The following PLCXD3 variants were observed in gnomAD, a reference collection of about 807,000 sequenced individuals.
PLCXD3 encodes the protein phosphatidylinositol specific phospholipase C X domain containing 3.
Under a neutral mutation model 25.5 loss-of-function variants are expected in PLCXD3, and 19 were observed. The ratio of observed to expected loss-of-function variants is 0.75; its 90% CI spans 0.52 to 1.09. The LOEUF (loss-of-function observed/expected upper bound fraction) is 1.09. Ranked by LOEUF, PLCXD3 falls within the 50% of genes least tolerant of loss-of-function variation. The pLI, the probability that PLCXD3 is intolerant of heterozygous loss-of-function variation, is 0.00. For synonymous variants in PLCXD3, 174 were observed against 137.6 expected (o/e 1.26, Z -1.85); for missense variants, 411 against 388.1 (o/e 1.06, Z -0.50).
chr5:41,417,963 G>A (rs551840287), intron 1 of PLCXD3, among the ~76,000 whole-genome samples: 24 of 152,284 alleles, frequency 1.6e-4, no homozygotes, highest in Admixed American at 6.5e-5. Flanking sequence ...TAACAGTATG[G>A]AATTATCTAT....
At chr5:41,426,979 G>C (rs140369148) in intron 1 of PLCXD3, among the ~76,000 whole-genome samples, 2 of 152,020 alleles carry the variant, frequency 1.3e-5, no homozygotes, top group Admixed American at 1.3e-4. Flanking sequence ...ATGATTTTGA[G>C]AATTCTGCTA....
At chr5:41,331,060 A>G (rs1259519433) in intron 2 of PLCXD3, among the ~76,000 whole-genome samples, 1 of 151,642 alleles carries the variant, frequency 6.6e-6, no homozygotes, top group Non-Finnish European at 1.5e-5. Flanking sequence ...CTCTCTCACC[A>G]CTCCTATTCA....
At chr5:41,401,101 T>C (rs1746173026) in intron 1 of PLCXD3, among the ~76,000 whole-genome samples, 1 of 152,072 alleles carries the variant, frequency 6.6e-6, no homozygotes, top group South Asian at 2.1e-4. Flanking sequence ...GGTTAGCTTC[T>C]AATTATTTAG....
intron 2 of PLCXD3, among the ~76,000 whole-genome samples, chr5:41,373,469 A>G (rs1745188385): frequency 6.6e-6 from 1 of 152,184 alleles, no homozygotes; most frequent in Non-Finnish European, 1.5e-5. Context: ...TAAACTGTTG[A>G]ATATGTATAC....
intron 1 of PLCXD3, among the ~76,000 whole-genome samples, chr5:41,493,251 T>C (rs1307056357): frequency 6.6e-6 from 1 of 152,206 alleles, no homozygotes; most frequent in Non-Finnish European, 1.5e-5. Flanking sequence ...CAGCAGATTT[T>C]CATGAACCGC....
chr5:41,397,933 A>T (rs1746060844), intron 1 of PLCXD3, among the ~76,000 whole-genome samples: 1 of 152,080 alleles, frequency 6.6e-6, no homozygotes, highest in Non-Finnish European at 1.5e-5. Flanking sequence ...GAATGGGAGG[A>T]TTTATCCAAT....
At position 41,453,256 on chromosome 5, in the gene PLCXD3, G is replaced by T. The variant is rs193295035; in HGVS notation, c.103+57168C>A. 2.4e-3 allele frequency among the ~76,000 whole-genome samples: 360 copies of T among 151,496 alleles called. 1 individual carries two copies. The highest frequency in any genetic ancestry group is 3.9e-3 in the Non-Finnish European group (265 of 67,836). ...CCACATATATGCCATTCCATTTTCT[G>T]CCAGAAAGCCTATCATATTCTTATG... On this transcript the variant is annotated intron_variant, in intron 1 of 2. Coordinates refer to ENST00000377801, the MANE Select transcript of PLCXD3 (RefSeq NM_001005473.3).
chr5:41,401,199 A>G (rs988406883), intron 1 of PLCXD3, among the ~76,000 whole-genome samples: 1 of 151,988 alleles, frequency 6.6e-6, no homozygotes, highest in African/African-American at 2.4e-5. Context: ...TTAAACAGCA[A>G]AAGTTTTATT....
chr5:41,444,333 A>G (rs1018197114), intron 1 of PLCXD3, among the ~76,000 whole-genome samples: 1 of 152,156 alleles, frequency 6.6e-6, no homozygotes, highest in Non-Finnish European at 1.5e-5. Flanking sequence ...AAGGGAGTAA[A>G]TTATAATGAT....
At chr5:41,366,013 T>C (rs1184007217) in intron 2 of PLCXD3, among the ~76,000 whole-genome samples, 1 of 152,030 alleles carries the variant, frequency 6.6e-6, no homozygotes, top group Non-Finnish European at 1.5e-5. Flanking sequence ...TACATATGTA[T>C]ACATGTGCCA....
chr5:41,340,101 T>A (rs1744097328), intron 2 of PLCXD3, among the ~76,000 whole-genome samples: 1 of 151,960 alleles, frequency 6.6e-6, no homozygotes, highest in African/African-American at 2.4e-5. Flanking sequence ...TTGCATTAAC[T>A]GCATGCCTTT....
intron 1 of PLCXD3, among the ~76,000 whole-genome samples, chr5:41,504,265 G>A (rs1197699202): frequency 6.6e-6 from 1 of 152,142 alleles, no homozygotes; most frequent in Non-Finnish European, 1.5e-5. Flanking sequence ...TGAAAAAGAA[G>A]TTTTTTTAAG....
At chr5:41,476,879 A>G (rs749491197) in intron 1 of PLCXD3, among the ~76,000 whole-genome samples, 1 of 152,222 alleles carries the variant, frequency 6.6e-6, no homozygotes, top group African/African-American at 2.4e-5. Flanking sequence ...CAAGGCTTTT[A>G]TAGGCGTCAA....
At chr5:41,509,428 C>T (rs1486711046) in intron 1 of PLCXD3, among the ~76,000 whole-genome samples, 6 of 152,136 alleles carry the variant, frequency 3.9e-5, no homozygotes, top group African/African-American at 9.7e-5. Flanking sequence ...TGTCCTGAAA[C>T]GACCCTCACT....
rs369986695 is a variant in PLCXD3, at chr5:41,382,573, G to A, written c.104-39C>T. On this transcript the variant is annotated intron_variant, in intron 1 of 2. Coordinates refer to ENST00000377801, the MANE Select transcript of PLCXD3 (RefSeq NM_001005473.3). The stretch of plus-strand genomic sequence containing the variant: ...AAGGCATAGTGTGGTTAATTTCCAC[G>A]TCTTTGCCCTTCCCACCTTCTTTCC... The A allele has an allele frequency of 7.8e-5, 116 of 1,478,348 alleles. 1 individual carries two copies. The highest frequency in any genetic ancestry group is 3.6e-4 in the Middle Eastern group (2 of 5,620). 91.6% of individuals were successfully genotyped at this position (1,478,348 alleles called of 1,614,324 possible).
rs1743110726 is a variant in PLCXD3 at position 41,310,591 on chromosome 5, C to T, written c.*3026G>A. On this transcript the variant is annotated 3_prime_UTR_variant, in exon 3 of 3. Coordinates refer to ENST00000377801, the MANE Select transcript of PLCXD3 (RefSeq NM_001005473.3). The stretch of plus-strand genomic sequence containing the variant: ...AAGGATAAGCTTCGATTGCATATCA[C>T]CATTTTTTACTTTTGGAAGGCCCGC... The T allele has an allele frequency of 6.6e-6, 1 of 152,572 alleles. No homozygotes were observed. The highest frequency in any genetic ancestry group is 2.4e-5 in the African/African-American group (1 of 41,426). The allele number at this position is 152,572 out of a possible 1,614,324, so 9.5% of individuals were successfully genotyped here.
At chr5:41,350,000 T>C (rs1744406996) in intron 2 of PLCXD3, among the ~76,000 whole-genome samples, 1 of 152,026 alleles carries the variant, frequency 6.6e-6, no homozygotes. Context: ...TGTGGTGCCC[T>C]ACTTGCTCAG....
intron 1 of PLCXD3, among the ~76,000 whole-genome samples, chr5:41,488,724 C>A (rs1215666213): frequency 2.0e-5 from 3 of 147,138 alleles, no homozygotes; most frequent in African/African-American, 7.9e-5. Context: ...GCATAAATGT[C>A]TTCTTTTGAG....
intron 1 of PLCXD3, among the ~76,000 whole-genome samples, chr5:41,429,012 T>A (rs1747032188): frequency 1.3e-5 from 2 of 152,130 alleles, no homozygotes; most frequent in Non-Finnish European, 2.9e-5. Context: ...ACGGCATCTA[T>A]TTTGAAGACG....
Sources: gnomAD v4.1 joint callset for allele counts (sites outside exome capture counted in the v4.1 genomes callset) on GRCh38, gnomAD v4.1.1 for gene constraint, MANE v1.5 for transcripts, NCBI Gene and HGNC (gene_info 2026-07-23, HGNC 2026-07-21) for gene names.